The following BRSK2 variants were observed in gnomAD, a reference collection of about 807,000 sequenced individuals.
The protein encoded by BRSK2 is BR serine/threonine kinase 2.
BRSK2 carries 19 observed loss-of-function variants against 83.3 expected under a neutral mutation model. That is an observed-to-expected ratio of 0.23 (90% CI 0.16 to 0.33). BRSK2 has a LOEUF of 0.33. BRSK2 is among the 10% of genes least tolerant of loss of function. The pLI is 1.00. For missense variants in BRSK2, 798 were observed against 1,042.3 expected (o/e 0.77, Z 3.23); for synonymous variants, 519 against 435.4 (o/e 1.19, Z -2.39).
rs80142238 is a variant in BRSK2 at position 1,444,382 on chromosome 11, C to G, written c.781-589C>G. Reference sequence around the variant, plus strand: ...CTGACCCTTCCAGGGTAGCGTTGACCTGTTCCCAAGTGGCCACTGCCTCAC... The same window carrying G: ...CTGACCCTTCCAGGGTAGCGTTGACGTGTTCCCAAGTGGCCACTGCCTCAC... On this transcript the variant is annotated intron_variant, in intron 8 of 19. Coordinates refer to ENST00000528841, the MANE Select transcript of BRSK2 (RefSeq NM_001256627.2). Among the ~76,000 whole-genome samples the G allele has an allele frequency of 1.8e-4, 28 of 152,282 alleles. No homozygotes were observed. In the East Asian group the frequency reaches 5.2e-3, roughly 28 times the overall value.
At chr11:1,426,990 G>A (rs565286693) in intron 1 of BRSK2, among the ~76,000 whole-genome samples, 16 of 152,246 alleles carry the variant, frequency 1.1e-4, no homozygotes, top group Non-Finnish European at 2.1e-4. Context: ...GGTGCGTGCC[G>A]GGGCGGTGAG....
At chr11:1,427,768 AGAT>A (rs1407557422) in intron 1 of BRSK2, among the ~76,000 whole-genome samples, 1 of 152,052 alleles carries the variant, frequency 6.6e-6, no homozygotes, top group Non-Finnish European at 1.5e-5. Context: ...TTGCAGGGGG[AGAT>A]GATGAAGGGT....
At chr11:1,457,104 G>A (rs542897272) in intron 18 of BRSK2, 56 of 1,455,468 alleles carry the variant, frequency 3.8e-5, no homozygotes, top group African/African-American at 1.3e-4. Context: ...GGTCCTCGGC[G>A]GAGCCAGGCT....
chr11:1,429,159 T>C (rs1012349493), intron 1 of BRSK2, among the ~76,000 whole-genome samples: 3 of 143,328 alleles, frequency 2.1e-5, no homozygotes, highest in South Asian at 2.3e-4. Context: ...TGGGTGTGTG[T>C]GCACGGGTGT....
chr11:1,411,588 C>T, intron 1 of BRSK2: 1 of 1,582,452 alleles, frequency 6.3e-7, no homozygotes, highest in African/African-American at 1.3e-5. Context: ...GCACCTCCAC[C>T]TTCCTCAAGG....
Position 1,445,900 on chromosome 11 carries a change from G to A in BRSK2, c.1219G>A (p.Gly407Ser), listed in dbSNP as rs368608811. The A allele has an allele frequency of 5.2e-5, 84 of 1,607,194 alleles. No homozygotes were observed. The African/African-American group carries it at 9.3e-4, about 18-fold the overall frequency. ...ARRAIEMAQH[G>S]QRSRSISGAS... ...GCGGGCCATTGAGATGGCCCAGCAC[G>A]GCCAGAGGTGTGTGTGCCCCGAGGC... Residue 407 changes from glycine (G) to serine (S), a missense_variant, in exon 12 of 20, where the codon GGC becomes AGC. By Grantham distance (56) the Gly-to-Ser change is moderately conservative. Around this residue, in one of 6 missense-constraint regions of BRSK2, gnomAD observed 5 missense variants for 19.0 expected, o/e 0.26. Transcript: ENST00000528841.
rs548338333 is a variant in BRSK2 at position 1,435,978 on chromosome 11, C to G, written c.92-62C>G. 3.8e-6 allele frequency: 5 copies of G among 1,313,092 alleles called. No individual in the cohort carries two copies. The East Asian group carries it at 1.2e-4, about 32-fold the overall frequency. The allele number at this position is 1,313,092 out of a possible 1,614,324, so 81.3% of individuals were successfully genotyped here. A position where few individuals can be genotyped will look rare whatever the true frequency, so the allele number is the denominator to read the frequency against. On this transcript the variant is annotated intron_variant, in intron 1 of 19. Transcript: ENST00000528841. ...GAGGAGGCCCCCAACCTGCACTGTCCGGCTGGGTGCTCGCTGCAGGCACCC... is the reference window on the plus strand; with the variant it reads ...GAGGAGGCCCCCAACCTGCACTGTCGGGCTGGGTGCTCGCTGCAGGCACCC...
At chr11:1,410,497 G>A in intron 1 of BRSK2, 1 of 985,532 alleles carries the variant, frequency 1.0e-6, no homozygotes, top group Non-Finnish European at 1.2e-6. Flanking sequence ...TGCGATGGGT[G>A]CTGGGCCCGC....
chr11:1,456,822 C>T (rs1302466208), intron 18 of BRSK2, 135 bp downstream of exon 18: 1 of 1,325,860 alleles, frequency 7.5e-7, no homozygotes, highest in Non-Finnish European at 1.0e-6. Context: ...ACCTCCCTGC[C>T]CCGAGCTGTG....
At chr11:1,415,362 G>A (rs1300651444) in intron 1 of BRSK2, among the ~76,000 whole-genome samples, 1 of 152,116 alleles carries the variant, frequency 6.6e-6, no homozygotes, top group African/African-American at 2.4e-5. Context: ...CCAAAGTGCT[G>A]GGATTACAGG....
intron 1 of BRSK2, among the ~76,000 whole-genome samples, chr11:1,420,160 G>T (rs998801860): frequency 1.3e-5 from 2 of 152,274 alleles, no homozygotes; most frequent in Non-Finnish European, 2.9e-5. Context: ...GTGCGTGCGT[G>T]CATGTGTGCG....
At chr11:1,449,606 C>G (rs367907857) in intron 12 of BRSK2, among the ~76,000 whole-genome samples, 170 bp from the exon 13 acceptor site, 1 of 152,124 alleles carries the variant, frequency 6.6e-6, no homozygotes, top group Non-Finnish European at 1.5e-5. Context: ...CACAGCCAGG[C>G]GCCCTGGGCC....
rs1297898756 is a variant in BRSK2 at position 1,446,153 on chromosome 11, G to GGCTGA, written c.1226+251_1226+255dup. Among the ~76,000 whole-genome samples the GGCTGA allele has an allele frequency of 2.0e-5, 3 of 149,876 alleles. No homozygotes were observed. In the East Asian group the frequency reaches 6.0e-4, roughly 30 times the overall value. ...GGCTGTGCTGGACTGGACTGGGCTA[G>GGCTGA]GCTGAGCTGGGCTGGCCTGGGCTGG... On this transcript the variant is annotated intron_variant, in intron 12 of 19. Coordinates refer to ENST00000528841, the MANE Select transcript of BRSK2 (RefSeq NM_001256627.2).
At chr11:1,446,148 G>T (rs1228920205) in intron 12 of BRSK2, among the ~76,000 whole-genome samples, 1 of 149,358 alleles carries the variant, frequency 6.7e-6, no homozygotes, top group Non-Finnish European at 1.5e-5. Context: ...GACTGGACTG[G>T]GCTAGGCTGA....
chr11:1,459,572 T>G, intron 19 of BRSK2: 1 of 357,070 alleles, frequency 2.8e-6, no homozygotes. Context: ...GAGGGGCCGG[T>G]GCCCATCCCT....
intron 1 of BRSK2, among the ~76,000 whole-genome samples, chr11:1,419,480 G>A (rs528425287): frequency 6.6e-6 from 1 of 152,190 alleles, no homozygotes; most frequent in Non-Finnish European, 1.5e-5. Flanking sequence ...TATTTAAATA[G>A]TTTCTTATTC....
At chr11:1,452,540 C>T (rs945216670) in intron 15 of BRSK2, among the ~76,000 whole-genome samples, 1 of 152,248 alleles carries the variant, frequency 6.6e-6, no homozygotes, top group Admixed American at 6.5e-5. Context: ...CTTCTCCCCT[C>T]CCCCATCTTG....
chr11:1,439,830 T>C (rs1019107475), intron 3 of BRSK2, among the ~76,000 whole-genome samples: 1 of 147,498 alleles, frequency 6.8e-6, no homozygotes, highest in Non-Finnish European at 1.5e-5. Flanking sequence ...TCCCCTGCCC[T>C]GAGGGCTTCA....
In BRSK2 at chr11:1,443,222, C is replaced by A. The variant is rs377676633; in HGVS notation, c.564+83C>A. The stretch of plus-strand genomic sequence containing the variant: ...CTGGTGGGACCCCAGCCTGCCGCAC[C>A]CCCAGGTGCTGCTAGGCTGCCTGTC... On this transcript the variant is annotated intron_variant, in intron 6 of 19. Transcript: ENST00000528841. 4.9e-4 allele frequency: 738 copies of A among 1,518,682 alleles called. 16 individuals are homozygous for A. In the East Asian group the frequency reaches 0.013, roughly 27 times the overall value. The allele number at this position is 1,518,682 out of a possible 1,614,324, so 94.1% of individuals were successfully genotyped here.
Sources: gnomAD v4.1 joint callset for allele counts (sites outside exome capture counted in the v4.1 genomes callset) on GRCh38, gnomAD v4.1.1 for gene constraint, gnomAD v4.1.1 regional missense constraint, MANE v1.5 for transcripts, NCBI Gene and HGNC (gene_info 2026-07-23, HGNC 2026-07-21) for gene names.